RARG: variants seen among roughly 807,000 people sequenced by gnomAD.
RARG encodes retinoic acid receptor gamma.
Under a neutral mutation model 43.7 loss-of-function variants are expected in RARG, and 17 were observed. The observed-to-expected ratio is 0.39, with a 90% confidence interval of 0.27 to 0.58. The LOEUF is 0.58. Ranked by LOEUF, RARG falls within the 20% of genes least tolerant of loss-of-function variation. The probability of loss-of-function intolerance (pLI) is 0.57; values close to 1 mark genes in which losing one functional copy is unlikely to be tolerated. For synonymous variants in RARG, 238 were observed against 236.4 expected, an observed-to-expected ratio of 1.01 and a Z score of -0.06; for missense variants, 346 against 598.7, an observed-to-expected ratio of 0.58 and a Z score of 4.40.
At chr12:53,224,299 A>T (rs377271317) in intron 3 of RARG, among the ~76,000 whole-genome samples, 1 of 151,506 alleles carries the variant, frequency 6.6e-6, no homozygotes, top group African/African-American at 2.4e-5. Flanking sequence ...CTCAACAAGG[A>T]TGTCCCCAAG....
intron 3 of RARG, chr12:53,220,213 G>A (rs1160384464): frequency 2.2e-5 from 28 of 1,269,282 alleles, no homozygotes; most frequent in Non-Finnish European, 2.9e-5. Context: ...GGGAGGGCTA[G>A]CATAGGGCGC....
At chr12:53,224,862 G>A (rs1485184230) in intron 3 of RARG, among the ~76,000 whole-genome samples, 2 of 152,082 alleles carry the variant, frequency 1.3e-5, no homozygotes, top group East Asian at 1.9e-4. Flanking sequence ...GATGGAGCCC[G>A]GCCTGACCAC....
At chr12:53,216,841 T>TGTGCGCGC (rs1430491578) in intron 3 of RARG, among the ~76,000 whole-genome samples, 3 of 129,384 alleles carry the variant, frequency 2.3e-5, no homozygotes, top group Admixed American at 7.3e-5. Context: ...TGTGTGTGTG[T>TGTGCGCGC]GCGCGCGCGC....
Position 53,213,972 on chromosome 12 carries a change from G to A in RARG, c.813+87C>T, listed in dbSNP as rs924200599. 4.9e-6 allele frequency: 7 copies of A among 1,442,138 alleles called. No individual in the cohort carries two copies. The highest frequency in any genetic ancestry group is 3.6e-4 in the Middle Eastern group (2 of 5,510). 89.3% of individuals were successfully genotyped at this position (1,442,138 alleles called of 1,614,324 possible). ...CCACATGTGTGGCAGGGGGTGCAGG[G>A]TAAGGAAATCTTTGCATGGATCAAG... On this transcript the variant is annotated intron_variant, in intron 7 of 9. Coordinates refer to ENST00000425354, the MANE Select transcript of RARG (RefSeq NM_000966.6). The surrounding 1 kb of genome is among the most constrained non-coding windows in gnomAD (Gnocchi z 4.7).
intron 3 of RARG, among the ~76,000 whole-genome samples, chr12:53,219,216 T>C (rs1942873827): frequency 6.6e-6 from 1 of 152,224 alleles, no homozygotes; most frequent in South Asian, 2.1e-4. Flanking sequence ...TGTTGTGTGT[T>C]GGAGCCATAG....
chr12:53,223,266 G>A (rs1943021879), intron 3 of RARG, among the ~76,000 whole-genome samples: 1 of 152,120 alleles, frequency 6.6e-6, no homozygotes, highest in African/African-American at 2.4e-5. Context: ...GCTGAAAAGG[G>A]GGCATTTCAA....
intron 3 of RARG, among the ~76,000 whole-genome samples, chr12:53,222,747 A>G (rs1402199380): frequency 6.6e-6 from 1 of 151,654 alleles, no homozygotes; most frequent in East Asian, 1.9e-4. Context: ...CCCATTCTAG[A>G]CAGACTTAGT....
intron 3 of RARG, among the ~76,000 whole-genome samples, chr12:53,219,305 C>G (rs1392494250): frequency 1.3e-5 from 2 of 152,198 alleles, no homozygotes; most frequent in Non-Finnish European, 2.9e-5. Context: ...GTACAAAACT[C>G]AGCCTTCTCC....
chr12:53,215,926 T>C lies in RARG; in HGVS notation c.185-132A>G. ...GACAGCCATCACTACCACAGTGCAC[T>C]AGTTCCAGCAGTAAGCACTGTCAGA... On this transcript the variant is annotated intron_variant, in intron 3 of 9. Transcript: ENST00000425354. The surrounding 1 kb of genome is among the most constrained non-coding windows in gnomAD (Gnocchi z 6.4). The C allele has an allele frequency of 1.0e-6, 1 of 979,484 alleles. No individual in the cohort carries two copies. The highest frequency in any genetic ancestry group is 1.5e-6 in the Non-Finnish European group (1 of 686,674). The allele number at this position is 979,484 out of a possible 1,614,324, so 60.7% of individuals were successfully genotyped here. A position where few individuals can be genotyped will look rare whatever the true frequency, so the allele number is the denominator to read the frequency against.
At chr12:53,221,747 C>A (rs988228525) in intron 3 of RARG, among the ~76,000 whole-genome samples, 1 of 151,644 alleles carries the variant, frequency 6.6e-6, no homozygotes, top group Non-Finnish European at 1.5e-5. Flanking sequence ...CCCCGCGCCC[C>A]GCCCTCAGCC....
In RARG at chr12:53,225,257, C is replaced by A. The variant is rs190271462; in HGVS notation, c.184+2105G>T. On this transcript the variant is annotated intron_variant, in intron 3 of 9. Transcript: ENST00000425354. The stretch of plus-strand genomic sequence containing the variant: ...TGCCACTCAAATAACCCCTGTTGGA[C>A]TACAGACATGCCACCAGCAGGCTTC... Among the ~76,000 whole-genome samples, 404 of 152,332 alleles carry A rather than the reference C, an allele frequency of 2.7e-3. 6 individuals are homozygous for A. Among genetic ancestry groups the A allele is most frequent in the Admixed American group, 0.023 (355 of 15,302 alleles).
chr12:53,229,845 T>A, intron 2 of RARG: 1 of 708,860 alleles, frequency 1.4e-6, no homozygotes, highest in Non-Finnish European at 1.7e-6. Flanking sequence ...CACCTACCAA[T>A]GGGAAACACA....
chr12:53,220,726 A>G (rs941139), intron 3 of RARG, among the ~76,000 whole-genome samples: 43,404 of 152,042 alleles, frequency 0.29, 10,363 homozygotes, highest in African/African-American at 0.65. Context: ...CGGGGTTGGA[A>G]GAAGGAGAGG....
Position 53,213,128 on chromosome 12 carries a change from C to T in RARG, c.1134G>A (p.Arg378=). 12 of 1,614,192 alleles carry T rather than the reference C, an allele frequency of 7.4e-6. No homozygotes were observed. The highest frequency in any genetic ancestry group is 1.0e-5 in the Non-Finnish European group (12 of 1,180,040). Residue 378 remains arginine, a synonymous_variant, in exon 9 of 10, where the codon AGG becomes AGA. Coordinates refer to ENST00000425354, the MANE Select transcript of RARG (RefSeq NM_000966.6). The surrounding 1 kb of genome is among the most constrained non-coding windows in gnomAD (Gnocchi z 4.7). ...RRPSQPYMFP[R]MLMKITDLRG... ...GGAGGTCGGTGATTTTCATTAGCAT[C>T]CTTGGGAACATGTAGGGCTGGCTGG...
chr12:53,216,490 C>T lies in RARG; in HGVS notation c.185-696G>A, dbSNP rs373990243. Among the ~76,000 whole-genome samples the T allele has an allele frequency of 2.4e-4, 36 of 152,270 alleles. No individual in the cohort carries two copies. In the East Asian group the frequency reaches 3.9e-3, roughly 16 times the overall value. On this transcript the variant is annotated intron_variant, in intron 3 of 9. Coordinates refer to ENST00000425354, the MANE Select transcript of RARG (RefSeq NM_000966.6). ...GAGGATGCACCACAGCCTTGGTTCA[C>T]GCCTGAAGAAACTGAGGCCACGAGA...
In RARG at chr12:53,214,131, C is replaced by T. The variant is rs1942689544; in HGVS notation, c.741G>A (p.Arg247=). 2 of 1,614,102 alleles carry T rather than the reference C, an allele frequency of 1.2e-6. No individual in the cohort carries two copies. The highest frequency in any genetic ancestry group is 8.5e-7 in the Non-Finnish European group (1 of 1,180,014). Residue 247 remains arginine (R), a synonymous_variant, in exon 7 of 10, where the codon CGG becomes CGA. Coordinates refer to ENST00000425354, the MANE Select transcript of RARG (RefSeq NM_000966.6). ...CIIKIVEFAK[R]LPGFTGLSIA... is the part of the protein sequence containing the mutation. Reference sequence around the variant, plus strand: ...TGCTGAGCCCTGTAAAGCCAGGCAACCGCTTGGCAAACTCCACGATCTTGA... The same window carrying T: ...TGCTGAGCCCTGTAAAGCCAGGCAATCGCTTGGCAAACTCCACGATCTTGA...
At chr12:53,220,104 G>A in intron 3 of RARG, 4 of 1,550,250 alleles carry the variant, frequency 2.6e-6, no homozygotes, top group Non-Finnish European at 2.6e-6. Context: ...CGTACATCGC[G>A]ACCCGGCTTG....
chr12:53,229,322 G>A (rs191923947), intron 2 of RARG, among the ~76,000 whole-genome samples: 9 of 152,264 alleles, frequency 5.9e-5, no homozygotes, highest in Non-Finnish European at 1.3e-4. Context: ...ATAGCTCTCA[G>A]TCTTTATACC....
At position 53,211,721 on chromosome 12, in the gene RARG, C is replaced by G; in HGVS notation, c.1320G>C (p.Glu440Asp). Reference protein sequence around the residue: ...GPHPNASSEDEVPGGQGKGGL... With the variant: ...GPHPNASSEDDVPGGQGKGGL... ...CCCCTTTGCCCTGGCCCCCAGGAAC[C>G]TCATCCTCGCTAGAGGCATTGGGGT... is the stretch of plus-strand genomic sequence containing the variant. The change falls in exon 10 of 10, where the codon GAG becomes GAC. Residue 440 changes from glutamate to aspartate, a missense_variant. Physicochemically the swap from Glu to Asp is conservative, Grantham distance 45 (BLOSUM62 2). Coordinates refer to ENST00000425354, the MANE Select transcript of RARG (RefSeq NM_000966.6). This position sits in a 1 kb window ranked among gnomAD's most constrained non-coding sequence, Gnocchi z 4.6. 1 of 1,562,204 alleles carries G rather than the reference C, an allele frequency of 6.4e-7. No homozygotes were observed. Among genetic ancestry groups the G allele is most frequent in the Non-Finnish European group, 8.7e-7 (1 of 1,155,386 alleles).
Sources: gnomAD v4.1 joint callset for allele counts (sites outside exome capture counted in the v4.1 genomes callset) on GRCh38, gnomAD v4.1.1 for gene constraint, Gnocchi (gnomAD v3.1) non-coding constraint, MANE v1.5 for transcripts, NCBI Gene and HGNC (gene_info 2026-07-23, HGNC 2026-07-21) for gene names.